The following CELF4 variants were observed in gnomAD, a reference collection of about 807,000 sequenced individuals.
The protein encoded by CELF4 is CUG-BP- and ETR-3-like factor 4.
CELF4 carries 18 observed loss-of-function variants against 59.9 expected under a neutral mutation model. The ratio of observed to expected loss-of-function variants is 0.30; its 90% CI spans 0.21 to 0.45. The LOEUF (loss-of-function observed/expected upper bound fraction) is 0.45. Among genes scored for constraint, CELF4 ranks in the 20% least tolerant of loss-of-function variants. The pLI, the probability that CELF4 is intolerant of heterozygous loss-of-function variation, is 1.00. For missense variants in CELF4, 456 were observed against 689.0 expected, an observed-to-expected ratio of 0.66 and a Z score of 3.79; for synonymous variants, 261 against 267.1, an observed-to-expected ratio of 0.98 and a Z score of 0.22.
chr18:37,359,105 CAAAACAAAA>C (rs2098657593), intron 2 of CELF4, among the ~76,000 whole-genome samples: 1 of 150,864 alleles, frequency 6.6e-6, no homozygotes, highest in African/African-American at 2.5e-5. Context: ...CCAAAAAAAA[CAAAACAAAA>C]CAAAACAAAA....
At chr18:37,266,683 G>C in intron 8 of CELF4, 85 bp from the exon 9 acceptor site, 1 of 1,184,622 alleles carries the variant, frequency 8.4e-7, no homozygotes, top group Non-Finnish European at 1.2e-6. Flanking sequence ...TGATGTAGCT[G>C]TACTGCCTTT....
chr18:37,357,049 G>A (rs940581183), intron 2 of CELF4, among the ~76,000 whole-genome samples: 3 of 152,274 alleles, frequency 2.0e-5, no homozygotes, highest in African/African-American at 7.2e-5. Flanking sequence ...GCTTCACTGG[G>A]TCACACCCAT....
intron 1 of CELF4, among the ~76,000 whole-genome samples, chr18:37,522,109 C>T (rs537137501): frequency 1.3e-5 from 2 of 149,720 alleles, no homozygotes; most frequent in South Asian, 2.1e-4. Context: ...GGTGGACATG[C>T]GAAGGTTGAA....
chr18:37,303,652 T>C (rs2096220798), intron 3 of CELF4, among the ~76,000 whole-genome samples: 1 of 152,172 alleles, frequency 6.6e-6, no homozygotes, highest in South Asian at 2.1e-4. Context: ...TGGTCACTGC[T>C]GGCTCTCCAG....
At chr18:37,437,093 T>C (rs948743010) in intron 2 of CELF4, among the ~76,000 whole-genome samples, 6 of 152,132 alleles carry the variant, frequency 3.9e-5, no homozygotes, top group Non-Finnish European at 8.8e-5. Flanking sequence ...AGTGGCTGCA[T>C]GCAGCATAGC....
chr18:37,535,654 G>A (rs752340140), intron 1 of CELF4, among the ~76,000 whole-genome samples: 1 of 152,228 alleles, frequency 6.6e-6, no homozygotes, highest in East Asian at 1.9e-4. Flanking sequence ...TGTGAGCTCC[G>A]AAGGGATAGT....
chr18:37,459,553 A>G (rs1479722644), intron 2 of CELF4, among the ~76,000 whole-genome samples: 2 of 152,096 alleles, frequency 1.3e-5, no homozygotes, highest in Non-Finnish European at 2.9e-5. Context: ...AAGTGGGAGG[A>G]ATGAGGACTG....
intron 2 of CELF4, among the ~76,000 whole-genome samples, chr18:37,477,038 G>A (rs1362286728): frequency 6.6e-6 from 1 of 152,250 alleles, no homozygotes; most frequent in Non-Finnish European, 1.5e-5. Context: ...GAGGTGATAT[G>A]GCTGGAATAG....
intron 1 of CELF4, among the ~76,000 whole-genome samples, chr18:37,560,978 C>T (rs2099986350): frequency 6.6e-6 from 1 of 152,198 alleles, no homozygotes; most frequent in South Asian, 2.1e-4. Flanking sequence ...CACAGCTAAA[C>T]CCCAAATCAA....
intron 1 of CELF4, among the ~76,000 whole-genome samples, chr18:37,544,829 C>T (rs766986217): frequency 6.6e-6 from 1 of 152,148 alleles, no homozygotes; most frequent in Non-Finnish European, 1.5e-5. Context: ...ATGAGGCAAG[C>T]CACAGAAAGT....
At chr18:37,289,163 C>A (rs1207891012) in intron 3 of CELF4, among the ~76,000 whole-genome samples, 2 of 149,688 alleles carry the variant, frequency 1.3e-5, no homozygotes, top group Non-Finnish European at 3.0e-5. Flanking sequence ...GATGGGGGAT[C>A]GTGGGGTGAG....
At chr18:37,337,677 G>A (rs945228190) in intron 2 of CELF4, among the ~76,000 whole-genome samples, 4 of 152,140 alleles carry the variant, frequency 2.6e-5, no homozygotes, top group African/African-American at 9.7e-5. Context: ...CATCACCCCG[G>A]CCCCTTTATC....
At chr18:37,357,459 G>A (rs887063391) in intron 2 of CELF4, among the ~76,000 whole-genome samples, 3 of 152,240 alleles carry the variant, frequency 2.0e-5, no homozygotes, top group Admixed American at 6.5e-5. Context: ...ATGGAAACGC[G>A]TGGATGCCCA....
intron 2 of CELF4, among the ~76,000 whole-genome samples, chr18:37,454,580 AT>A (rs1000739799): frequency 6.6e-6 from 1 of 152,092 alleles, no homozygotes. Flanking sequence ...CACCCCCGCA[AT>A]AAGCAAGGTA....
At chr18:37,270,240 G>A (rs1391257070) in intron 8 of CELF4, among the ~76,000 whole-genome samples, 1 of 152,206 alleles carries the variant, frequency 6.6e-6, no homozygotes, top group Non-Finnish European at 1.5e-5. Context: ...CTGTGGTGCT[G>A]ACCTGTCCAT....
intron 1 of CELF4, among the ~76,000 whole-genome samples, chr18:37,525,346 C>G (rs1176067771): frequency 6.6e-6 from 1 of 152,194 alleles, no homozygotes; most frequent in Non-Finnish European, 1.5e-5. Context: ...TAACTCCAGA[C>G]AATAGCCCCG....
intron 2 of CELF4, among the ~76,000 whole-genome samples, chr18:37,398,744 G>A (rs530755096): frequency 2.6e-5 from 4 of 152,240 alleles, no homozygotes; most frequent in African/African-American, 9.6e-5. Context: ...GAGAGTGGTG[G>A]AGCTTAGCAG....
At chr18:37,301,944 C>A (rs932535166) in intron 3 of CELF4, among the ~76,000 whole-genome samples, 1 of 152,190 alleles carries the variant, frequency 6.6e-6, no homozygotes, top group Non-Finnish European at 1.5e-5. Context: ...CTACTGGCCT[C>A]ACCACCACTG....
At chr18:37,534,813 T>C (rs1367796533) in intron 1 of CELF4, among the ~76,000 whole-genome samples, 1 of 152,148 alleles carries the variant, frequency 6.6e-6, no homozygotes, top group Non-Finnish European at 1.5e-5. Context: ...CTCTGGCCTA[T>C]TGTCTGGTCG....
Sources: gnomAD v4.1 joint callset for allele counts (sites outside exome capture counted in the v4.1 genomes callset) on GRCh38, gnomAD v4.1.1 for gene constraint, MANE v1.5 for transcripts, NCBI Gene and HGNC (gene_info 2026-07-23, HGNC 2026-07-21) for gene names.